RABGAP1L: variants seen among roughly 807,000 people sequenced by gnomAD.
The protein encoded by RABGAP1L is RAB GTPase activating protein 1 like, also known as rab GTPase-activating protein 1-like.
A neutral mutation model predicts 137.7 loss-of-function variants in RABGAP1L; 63 were observed. That is an observed-to-expected ratio of 0.46 (90% CI 0.37 to 0.56). The LOEUF (loss-of-function observed/expected upper bound fraction) is 0.56. RABGAP1L is among the 20% of genes least tolerant of loss of function. The pLI is 0.00. For missense variants in RABGAP1L, 1,095 were observed against 1,244.0 expected, an observed-to-expected ratio of 0.88 and a Z score of 1.80; for synonymous variants, 431 against 433.7, an observed-to-expected ratio of 0.99 and a Z score of 0.08.
chr1:174,213,733 ATGATTTCAGATGATGATTTCAGT>A (rs1669077722), intron 1 of RABGAP1L, among the ~76,000 whole-genome samples: 1 of 152,242 alleles, frequency 6.6e-6, no homozygotes, highest in Admixed American at 6.5e-5. Flanking sequence ...AAACCATATG[ATGATTTCAGATGATGATTTCAGT>A]TGATGATAAA....
At chr1:174,486,642 G>A (rs947773457) in intron 13 of RABGAP1L, among the ~76,000 whole-genome samples, 4 of 151,588 alleles carry the variant, frequency 2.6e-5, no homozygotes, top group South Asian at 2.1e-4. Context: ...TACCGCGCCC[G>A]GCCTCTGCTC....
At chr1:174,913,363 A>G (rs1206255638) in intron 19 of RABGAP1L, among the ~76,000 whole-genome samples, 1 of 152,200 alleles carries the variant, frequency 6.6e-6, no homozygotes, top group African/African-American at 2.4e-5. Context: ...TGCCTTGCTT[A>G]TCATTGCTGT....
chr1:174,576,496 C>T (rs149225459), intron 13 of RABGAP1L, among the ~76,000 whole-genome samples: 6 of 152,306 alleles, frequency 3.9e-5, no homozygotes, highest in Admixed American at 6.5e-5. Context: ...GCAAATCACA[C>T]GCTGTTGGCT....
rs1558062867 is a variant in RABGAP1L, at chr1:174,241,672, G to A, written c.717+15G>A. 1 of 1,579,566 alleles carries A rather than the reference G, an allele frequency of 6.3e-7. No homozygotes were observed. Among genetic ancestry groups the A allele is most frequent in the Non-Finnish European group, 8.6e-7 (1 of 1,159,208 alleles). Reference sequence around the variant, plus strand: ...TTAAAGAGGCAGTAAGTATAATATAGTATAGCAATTTGCTATAGAGATGAA... The same window carrying A: ...TTAAAGAGGCAGTAAGTATAATATAATATAGCAATTTGCTATAGAGATGAA... On this transcript the variant is annotated intron_variant, in intron 5 of 25. Transcript: ENST00000681986.
intron 13 of RABGAP1L, among the ~76,000 whole-genome samples, chr1:174,536,025 C>A (rs1349245339): frequency 2.0e-5 from 3 of 152,102 alleles, no homozygotes; most frequent in Non-Finnish European, 4.4e-5. Flanking sequence ...TGGAATTCAT[C>A]ATTGCTGAAT....
intron 14 of RABGAP1L, among the ~76,000 whole-genome samples, chr1:174,649,677 A>G (rs1278204530): frequency 6.6e-6 from 1 of 152,084 alleles, no homozygotes. Context: ...ATTTTTGCAC[A>G]TTGATTTTGT....
chr1:174,195,128 C>T (rs1327539053), intron 1 of RABGAP1L, among the ~76,000 whole-genome samples: 1 of 152,104 alleles, frequency 6.6e-6, no homozygotes, highest in African/African-American at 2.4e-5. Context: ...TGATTATGTA[C>T]ATGTGCAGAT....
At chr1:174,701,190 G>C in intron 16 of RABGAP1L, 2 of 1,289,818 alleles carry the variant, frequency 1.6e-6, no homozygotes, top group Non-Finnish European at 2.0e-6. Flanking sequence ...TCATGCTTTT[G>C]AAAACCATTT....
intron 13 of RABGAP1L, among the ~76,000 whole-genome samples, chr1:174,599,138 T>C (rs1670224930): frequency 2.0e-5 from 3 of 152,176 alleles, no homozygotes; most frequent in Admixed American, 2.0e-4. Flanking sequence ...GGCTTGCAAA[T>C]AACATTTTGT....
intron 1 of RABGAP1L, among the ~76,000 whole-genome samples, chr1:174,198,728 C>T (rs1667878837): frequency 1.3e-5 from 2 of 152,176 alleles, no homozygotes; most frequent in African/African-American, 4.8e-5. Flanking sequence ...ATTGGCCGGG[C>T]ACCTTGGTCA....
intron 13 of RABGAP1L, among the ~76,000 whole-genome samples, chr1:174,436,135 T>C (rs1379857598): frequency 2.6e-5 from 4 of 152,230 alleles, no homozygotes; most frequent in Admixed American, 6.5e-5. Context: ...TGTGTCTTTA[T>C]AGCAGCATGA....
rs1672151145 is a variant in RABGAP1L at position 174,992,848 on chromosome 1, C to T, written c.*2847C>T. 1.3e-5 allele frequency: 2 copies of T among 152,120 alleles called. No individual in the cohort carries two copies. The highest frequency in any genetic ancestry group is 4.8e-5 in the African/African-American group (2 of 41,430). The allele number at this position is 152,120 out of a possible 1,614,324, so 9.4% of individuals were successfully genotyped here. A position where few individuals can be genotyped will look rare whatever the true frequency, so the allele number is the denominator to read the frequency against. On this transcript the variant is annotated 3_prime_UTR_variant, in exon 26 of 26. Transcript: ENST00000681986. ...GAATTGCATCTCTTCTCTTGAATTT[C>T]ACTTAGAAGAGATTAACCAGCCAAA... is the stretch of plus-strand genomic sequence containing the variant.
chr1:174,805,658 C>T (rs1008546062), intron 18 of RABGAP1L, among the ~76,000 whole-genome samples: 7 of 152,052 alleles, frequency 4.6e-5, no homozygotes, highest in Non-Finnish European at 1.0e-4. Flanking sequence ...CGTGCCACCA[C>T]GCCCAGCTAA....
At chr1:174,332,240 A>C (rs1450678606) in intron 11 of RABGAP1L, among the ~76,000 whole-genome samples, 1 of 152,206 alleles carries the variant, frequency 6.6e-6, no homozygotes, top group Non-Finnish European at 1.5e-5. Context: ...CAAATGTGTA[A>C]TTCAGGCTGT....
At position 174,643,916 on chromosome 1, in the gene RABGAP1L, G is replaced by GGGGT. The variant is rs1553224198; in HGVS notation, c.1824+6429_1824+6430insGGTG. On this transcript the variant is annotated intron_variant, in intron 14 of 25. Coordinates refer to ENST00000681986, the MANE Select transcript of RABGAP1L (RefSeq NM_001366446.1). The stretch of plus-strand genomic sequence containing the variant: ...AGTTGAAAAACTTCACTTATATAGG[G>GGGGT]GTGTGTGTGTGTGTGTGTGTGTGTG... 7.4e-3 allele frequency among the ~76,000 whole-genome samples: 1,085 copies of GGGGT among 145,710 alleles called. 6 individuals are homozygous for GGGGT. Among genetic ancestry groups the GGGGT allele is most frequent in the Middle Eastern group, 0.017 (5 of 286 alleles).
At position 174,740,992 on chromosome 1, in the gene RABGAP1L, T is replaced by G. The variant is rs371483474; in HGVS notation, c.2170-11321T>G. On this transcript the variant is annotated intron_variant, in intron 17 of 25. Transcript: ENST00000681986. ...TCCTGTTGGATAAATAATTTGCAAATATTTTATCCCATTCTGCAGGTTGTC... is the reference window on the plus strand; with the variant it reads ...TCCTGTTGGATAAATAATTTGCAAAGATTTTATCCCATTCTGCAGGTTGTC... 1.6e-4 allele frequency among the ~76,000 whole-genome samples: 24 copies of G among 152,160 alleles called. No homozygotes were observed. In the South Asian group the frequency reaches 4.6e-3, roughly 29 times the overall value.
At chr1:174,566,586 T>C (rs957646815) in intron 13 of RABGAP1L, among the ~76,000 whole-genome samples, 1 of 152,190 alleles carries the variant, frequency 6.6e-6, no homozygotes, top group Non-Finnish European at 1.5e-5. Context: ...ATGCCTTATA[T>C]TCTTCATTTA....
intron 18 of RABGAP1L, among the ~76,000 whole-genome samples, chr1:174,756,101 A>G (rs1304852877): frequency 6.6e-6 from 1 of 152,134 alleles, no homozygotes; most frequent in Non-Finnish European, 1.5e-5. Context: ...CTGAGGTGCT[A>G]TTGTTAGAGA....
At chr1:174,879,779 G>A (rs1016019676) in intron 19 of RABGAP1L, among the ~76,000 whole-genome samples, 5 of 152,124 alleles carry the variant, frequency 3.3e-5, no homozygotes, top group African/African-American at 1.2e-4. Context: ...ATATAAAACT[G>A]TAATATAATC....
Sources: gnomAD v4.1 joint callset for allele counts (sites outside exome capture counted in the v4.1 genomes callset) on GRCh38, gnomAD v4.1.1 for gene constraint, MANE v1.5 for transcripts, NCBI Gene and HGNC (gene_info 2026-07-23, HGNC 2026-07-21) for gene names.